The following EMC1 variants were observed in gnomAD, a reference collection of about 807,000 sequenced individuals.
The protein encoded by EMC1 is ER membrane protein complex subunit 1.
Under a neutral mutation model 128.8 loss-of-function variants are expected in EMC1, and 103 were observed. The ratio of observed to expected loss-of-function variants is 0.80; its 90% confidence interval spans 0.68 to 0.94. EMC1 has a LOEUF of 0.94. Ranked by LOEUF, EMC1 falls within the 40% of genes least tolerant of loss-of-function variation. The pLI, the probability that EMC1 is intolerant of heterozygous loss-of-function variation, is 0.00. For synonymous variants in EMC1, 442 were observed against 490.4 expected (o/e 0.90, Z 1.30); for missense variants, 1,083 against 1,250.6 (o/e 0.87, Z 2.02).
Position 19,228,205 on chromosome 1 carries a change from CAA to C in EMC1, c.2065-757_2065-756del, listed in dbSNP as rs35109698. 1.2e-3 allele frequency among the ~76,000 whole-genome samples: 123 copies of C among 101,884 alleles called. 1 individual carries two copies. The highest frequency in any genetic ancestry group is 1.7e-3 in the Non-Finnish European group (86 of 49,774). The allele number at this position is 101,884 out of a possible 152,430, so 66.8% of individuals were successfully genotyped here. A position where few individuals can be genotyped will look rare whatever the true frequency, so the allele number is the denominator to read the frequency against. On this transcript the variant is annotated intron_variant, in intron 17 of 22. Coordinates refer to ENST00000477853, the MANE Select transcript of EMC1 (RefSeq NM_015047.3). ...GGGCAACAAGAGCGAAACTCCGGCT[CAA>C]AAAAAAAAAAAAAAAGATAATAAAG... is the stretch of plus-strand genomic sequence containing the variant.
chr1:19,231,284 G>A lies in EMC1; in HGVS notation c.1921C>T (p.Leu641=). The A allele has an allele frequency of 6.2e-7, 1 of 1,604,504 alleles. No homozygotes were observed. Among genetic ancestry groups the A allele is most frequent in the Non-Finnish European group, 8.5e-7 (1 of 1,177,910 alleles). ...VMDQDYAKVL[L]LIDDEYKVTA... is the part of the protein sequence containing the mutation. ...ACCTTGTATTCATCATCTATCAACA[G>A]CAACACCTTGGCGTAGTCTTGATCC... The change falls in exon 16 of 23, where the codon CTG becomes TTG. Residue 641 remains leucine (L), a synonymous_variant. Coordinates refer to ENST00000477853, the MANE Select transcript of EMC1 (RefSeq NM_015047.3).
At position 19,223,522 on chromosome 1, in the gene EMC1, C is replaced by T. The variant is rs369980098; in HGVS notation, c.2250G>A (p.Ala750=). ...TGCCAATAAAGGTGCGCTCATGGTG[C>T]GCGTCTGTGCTCTCTGTCACCACGG... is the stretch of plus-strand genomic sequence containing the variant. ...LLAVVTESTD[A]HHERTFIGIF... The change falls in exon 19 of 23, where the codon GCG becomes GCA. Residue 750 remains alanine, a synonymous_variant. Coordinates refer to ENST00000477853, the MANE Select transcript of EMC1 (RefSeq NM_015047.3). 1.7e-5 allele frequency: 27 copies of T among 1,614,096 alleles called. No individual in the cohort carries two copies. In the South Asian group the frequency reaches 2.2e-4, roughly 13 times the overall value.
rs371761348 is a variant in EMC1, at chr1:19,219,499, A to G, written c.2803-17T>C. 3 of 1,614,022 alleles carry G rather than the reference A, an allele frequency of 1.9e-6. No individual in the cohort carries two copies. The highest frequency in any genetic ancestry group is 2.2e-5 in the East Asian group (1 of 44,854). On this transcript the variant is annotated splice_polypyrimidine_tract_variant and intron_variant, in intron 22 of 22. Transcript: ENST00000477853. ...GGCCACAACCTGGAAGGCAGATGGA[A>G]TAAGAATTAGGAAAGAAACAACCAA...
intron 10 of EMC1, among the ~76,000 whole-genome samples, 166 bp downstream of exon 10, chr1:19,238,629 G>A (rs374010243): frequency 1.6e-4 from 25 of 152,092 alleles, no homozygotes; most frequent in East Asian, 1.2e-3. Flanking sequence ...CTAATCTCCC[G>A]GTAAAATGAG....
In EMC1 at chr1:19,217,853, C is replaced by T. The variant is rs567113408; in HGVS notation, c.*1450G>A. On this transcript the variant is annotated 3_prime_UTR_variant, in exon 23 of 23. Coordinates refer to ENST00000477853, the MANE Select transcript of EMC1 (RefSeq NM_015047.3). ...ATTCAGTCACTCAATATCAAACTGA[C>T]AATTAATAAAATGGTTGTCATTTCC... 6.6e-6 allele frequency: 1 copy of T among 152,256 alleles called. No homozygotes were observed. Among genetic ancestry groups the T allele is most frequent in the Admixed American group, 6.5e-5 (1 of 15,294 alleles). The allele number at this position is 152,256 out of a possible 1,614,324, so 9.4% of individuals were successfully genotyped here.
Position 19,217,516 on chromosome 1 carries a change from C to CA in EMC1, c.*1786dup, listed in dbSNP as rs549484309. 2,313 of 130,094 alleles carry CA rather than the reference C, an allele frequency of 0.018. 24 individuals carry two copies. Among genetic ancestry groups the CA allele is most frequent in the African/African-American group, 0.031 (1,103 of 35,350 alleles). The allele number at this position is 130,094 out of a possible 1,614,324, so 8.1% of individuals were successfully genotyped here. The stretch of plus-strand genomic sequence containing the variant: ...TGGGCAACAGAGTGAGATTCTGTCT[C>CA]AAAAAAAAAAAAAGCACCTGCTTTG... On this transcript the variant is annotated 3_prime_UTR_variant, in exon 23 of 23. Transcript: ENST00000477853.
chr1:19,238,271 G>A, intron 10 of EMC1, 132 bp from the exon 11 acceptor site: 2 of 992,722 alleles, frequency 2.0e-6, no homozygotes, highest in Non-Finnish European at 2.9e-6. Context: ...ATGCAAAGGA[G>A]AATAAAAGAG....
At chr1:19,247,853 CA>C (rs980238000) in intron 1 of EMC1, among the ~76,000 whole-genome samples, 33 of 152,088 alleles carry the variant, frequency 2.2e-4, no homozygotes, top group African/African-American at 8.0e-4. Context: ...GGTGAAACCC[CA>C]TTTCTACTAA....
intron 18 of EMC1, among the ~76,000 whole-genome samples, chr1:19,226,825 C>T (rs571909074): frequency 1.3e-4 from 20 of 152,038 alleles, no homozygotes; most frequent in Middle Eastern, 3.4e-3. Flanking sequence ...CCACCCACCT[C>T]GACCTCTCAA....
At chr1:19,227,022 G>A (rs1251457875) in intron 18 of EMC1, among the ~76,000 whole-genome samples, 2 of 151,736 alleles carry the variant, frequency 1.3e-5, no homozygotes, top group African/African-American at 2.4e-5. Flanking sequence ...GCAAGACTCT[G>A]TCACAGGAAA....
intron 1 of EMC1, among the ~76,000 whole-genome samples, chr1:19,249,532 A>G (rs921349663): frequency 1.3e-5 from 2 of 152,216 alleles, no homozygotes; most frequent in African/African-American, 2.4e-5. Flanking sequence ...CTAGATTTAC[A>G]TAAGTACATG....
chr1:19,235,927 G>C (rs1207090139), intron 12 of EMC1, among the ~76,000 whole-genome samples: 1 of 151,998 alleles, frequency 6.6e-6, no homozygotes, highest in East Asian at 1.9e-4. Context: ...AGCTAAGCCT[G>C]TCTCCCAGAT....
chr1:19,218,996 AAAACAGAACATTC>A lies in EMC1; in HGVS notation c.*294_*306del, dbSNP rs942691737. ...AGCCGGAATTCTTATTAAAAAAAACAAAACAGAACATTCATGGATGGGCAAAGAAAGGAAACAA... is the reference window on the plus strand; with the variant it reads ...AGCCGGAATTCTTATTAAAAAAAACAATGGATGGGCAAAGAAAGGAAACAA... On this transcript the variant is annotated 3_prime_UTR_variant, in exon 23 of 23. Transcript: ENST00000477853. The A allele has an allele frequency of 7.4e-5, 18 of 242,388 alleles. No individual in the cohort carries two copies. The highest frequency in any genetic ancestry group is 1.2e-4 in the Non-Finnish European group (15 of 125,036). 15.0% of individuals were successfully genotyped at this position (242,388 alleles called of 1,614,324 possible). A position where few individuals can be genotyped will look rare whatever the true frequency, so the allele number is the denominator to read the frequency against.
intron 9 of EMC1, 105 bp downstream of exon 9, chr1:19,239,126 G>A: frequency 1.8e-6 from 2 of 1,113,186 alleles, no homozygotes; most frequent in Non-Finnish European, 2.7e-6. Flanking sequence ...TGCCCGCTGG[G>A]TTCAAACTGA....
intron 1 of EMC1, among the ~76,000 whole-genome samples, chr1:19,248,231 T>C (rs2093640703): frequency 6.6e-6 from 1 of 152,124 alleles, no homozygotes; most frequent in Non-Finnish European, 1.5e-5. Context: ...ATGCTCTTAC[T>C]CTGTCACCCA....
Position 19,220,933 on chromosome 1 carries a change from A to T in EMC1, c.2588-85T>A, listed in dbSNP as rs185642698. 4.0e-6 allele frequency: 4 copies of T among 1,002,520 alleles called. No homozygotes were observed. The East Asian group carries it at 1.0e-4, about 25-fold the overall frequency. 62.1% of individuals were successfully genotyped at this position (1,002,520 alleles called of 1,614,324 possible). On this transcript the variant is annotated intron_variant, in intron 20 of 22. Transcript: ENST00000477853. ...AAATGTCATTATTGCAGACATTTAA[A>T]TAAGAATTTAAAACAAAAAAATGGG...
Position 19,219,648 on chromosome 1 carries a change from C to G in EMC1, c.2723G>C (p.Arg908Pro). Residue 908 changes from arginine to proline, a missense_variant, in exon 22 of 23, where the codon CGA (arginine) becomes CCA (proline). Coordinates refer to ENST00000477853, the MANE Select transcript of EMC1 (RefSeq NM_015047.3). ...YSPDVQIHAE[R>P]FINYNQTVSR... ...AACTGTCTGGTTATAGTTGATGAAT[C>G]GCTCTGCGTGTATCTGTACATCTGG... The G allele has an allele frequency of 6.2e-7, 1 of 1,614,030 alleles. No homozygotes were observed. Among genetic ancestry groups the G allele is most frequent in the Non-Finnish European group, 8.5e-7 (1 of 1,180,002 alleles).
Position 19,245,053 on chromosome 1 carries a change from G to A in EMC1, c.96-23C>T, listed in dbSNP as rs2151963919. 5 of 1,611,914 alleles carry A rather than the reference G, an allele frequency of 3.1e-6. 1 individual carries two copies. The highest frequency in any genetic ancestry group is 2.2e-5 in the East Asian group (1 of 44,824). ...CTCCTGAGAAAAAAAGAGTACAGGGGACCATAAGGAGCTAAAATCACCATT... is the reference window on the plus strand; with the variant it reads ...CTCCTGAGAAAAAAAGAGTACAGGGAACCATAAGGAGCTAAAATCACCATT... On this transcript the variant is annotated intron_variant, in intron 1 of 22. Coordinates refer to ENST00000477853, the MANE Select transcript of EMC1 (RefSeq NM_015047.3).
chr1:19,235,375 C>T (rs2093554929), intron 12 of EMC1, 123 bp from the exon 13 acceptor site: 2 of 1,020,888 alleles, frequency 2.0e-6, no homozygotes, highest in South Asian at 1.7e-5. Flanking sequence ...TGAGACCAGC[C>T]TGGACAACAG....
Sources: allele counts gnomAD v4.1 joint callset (sites outside exome capture counted in the v4.1 genomes callset), GRCh38; gene constraint gnomAD v4.1.1; transcripts MANE v1.5; gene names NCBI Gene and HGNC (gene_info 2026-07-23, HGNC 2026-07-21).